The following SPON2 variants were observed in gnomAD, a reference collection of about 807,000 sequenced individuals.
SPON2 encodes spondin-2.
In SPON2, 32 loss-of-function variants were observed where a neutral mutation model predicts 29.9. The ratio of observed to expected loss-of-function variants is 1.07; its 90% confidence interval spans 0.81 to 1.44. SPON2 has a LOEUF of 1.44. Among genes scored for constraint, SPON2 ranks in the 40% most tolerant of loss-of-function variants. The probability of loss-of-function intolerance (pLI) is 0.00; values close to 1 mark genes in which losing one functional copy is unlikely to be tolerated. For missense variants in SPON2, 541 were observed against 455.5 expected (o/e 1.19, Z -1.71); for synonymous variants, 248 against 209.1 (o/e 1.19, Z -1.61).
At chr4:1,194,679 G>A (rs757204793) in intron 1 of SPON2, among the ~76,000 whole-genome samples, 173 of 152,262 alleles carry the variant, frequency 1.1e-3, no homozygotes, top group Non-Finnish European at 2.0e-3. Flanking sequence ...CCCCGCTGCC[G>A]GGACACCCTC....
intron 1 of SPON2, among the ~76,000 whole-genome samples, chr4:1,192,708 G>A (rs1436124795): frequency 6.6e-6 from 1 of 152,188 alleles, no homozygotes; most frequent in East Asian, 1.9e-4. Flanking sequence ...GAAGGCTTGG[G>A]GGGTACGGCC....
upstream of SPON2, chr4:1,197,255 A>G (rs982981947): frequency 9.2e-5 from 14 of 152,244 alleles, no homozygotes; most frequent in Non-Finnish European, 2.1e-4. Flanking sequence ...CCGACTTCCG[A>G]TAAGTCCATG....
At chr4:1,188,672 T>C (rs1185197497) in intron 1 of SPON2, among the ~76,000 whole-genome samples, 1 of 152,152 alleles carries the variant, frequency 6.6e-6, no homozygotes, top group African/African-American at 2.4e-5. Context: ...CCAAGATACA[T>C]GAAGCCAAAG....
intron 1 of SPON2, among the ~76,000 whole-genome samples, chr4:1,194,404 A>C (rs1352736473): frequency 6.6e-6 from 1 of 152,004 alleles, no homozygotes; most frequent in Non-Finnish European, 1.5e-5. Context: ...CCCCCGGGGG[A>C]CAGCGACGGC....
chr4:1,179,964 G>GA (rs1317454197), intron 1 of SPON2, among the ~76,000 whole-genome samples: 4 of 151,178 alleles, frequency 2.6e-5, no homozygotes, highest in Non-Finnish European at 4.4e-5. Flanking sequence ...AGTTGGGCAA[G>GA]AAATAGACAA....
chr4:1,184,649 A>T (rs1016233474), intron 1 of SPON2, among the ~76,000 whole-genome samples: 2 of 152,164 alleles, frequency 1.3e-5, no homozygotes, highest in Non-Finnish European at 2.9e-5. Flanking sequence ...GAATACAATA[A>T]GCTGGCCAGG....
At position 1,171,313 on chromosome 4, in the gene SPON2, C is replaced by T. The variant is rs1256076641; in HGVS notation, c.394G>A (p.Gly132Ser). ...AGCTCCGCCGACGTCTGCCCGGTGCCGCTGGGGACGGCGGGCGCCGAAAAC... is the reference window on the plus strand; with the variant it reads ...AGCTCCGCCGACGTCTGCCCGGTGCTGCTGGGGACGGCGGGCGCCGAAAAC... Reference protein sequence around the residue: ...AVFSAPAVPSGTGQTSAELEV... With the variant: ...AVFSAPAVPSSTGQTSAELEV... The change falls in exon 3 of 6, where the codon GGC (glycine) becomes AGC (serine). Residue 132 changes from glycine to serine, a missense_variant. Physicochemically the swap from Gly to Ser is moderately conservative, Grantham distance 56. Transcript: ENST00000290902. The T allele has an allele frequency of 6.3e-7, 1 of 1,599,524 alleles. No homozygotes were observed. Among genetic ancestry groups the T allele is most frequent in the African/African-American group, 1.3e-5 (1 of 74,580 alleles).
intron 1 of SPON2, chr4:1,194,906 C>CG (rs1366261323): frequency 1.4e-4 from 21 of 147,188 alleles, no homozygotes; most frequent in African/African-American, 2.8e-4. Flanking sequence ...GCGACTCCAA[C>CG]CCCGCAGCCG....
At chr4:1,200,908 C>T (rs1206403103) in intron 1 of SPON2, 11 of 456,600 alleles carry the variant, frequency 2.4e-5, no homozygotes, top group Admixed American at 4.7e-5. Context: ...CACGTGGTGC[C>T]TCTGCCCTGG....
At chr4:1,186,451 A>C (rs1727809869) in intron 1 of SPON2, among the ~76,000 whole-genome samples, 1 of 151,922 alleles carries the variant, frequency 6.6e-6, no homozygotes. Context: ...TTGCAGGCGC[A>C]TGCTGCCGTG....
At chr4:1,170,237 C>T in intron 5 of SPON2, 165 bp downstream of exon 5, 1 of 700,350 alleles carries the variant, frequency 1.4e-6, no homozygotes, top group East Asian at 2.5e-5. Context: ...GTCACATCTT[C>T]AGTGTGTGAA....
intron 1 of SPON2, among the ~76,000 whole-genome samples, chr4:1,206,509 C>T (rs1314702264): frequency 1.3e-5 from 2 of 152,190 alleles, no homozygotes; most frequent in Non-Finnish European, 2.9e-5. Context: ...GGACCAACAG[C>T]AAATGCCTCC....
At chr4:1,182,170 C>T (rs1727711650) in intron 1 of SPON2, among the ~76,000 whole-genome samples, 1 of 152,024 alleles carries the variant, frequency 6.6e-6, no homozygotes, top group Non-Finnish European at 1.5e-5. Context: ...GTCCGATTTT[C>T]AAGAAAAAGA....
At chr4:1,203,753 G>A (rs1052434171) in intron 1 of SPON2, among the ~76,000 whole-genome samples, 3 of 152,168 alleles carry the variant, frequency 2.0e-5, no homozygotes, top group Non-Finnish European at 2.9e-5. Flanking sequence ...GTGGGTGTGA[G>A]GTGTGGTCTC....
At chr4:1,177,765 C>T (rs953055046), upstream of SPON2, among the ~76,000 whole-genome samples, 19 of 152,130 alleles carry the variant, frequency 1.2e-4, no homozygotes, top group Non-Finnish European at 2.6e-4. Flanking sequence ...CCCTGGGGCG[C>T]GGCACAGGCA....
Position 1,167,241 on chromosome 4 carries a change from C to T in SPON2, c.*231G>A. The T allele has an allele frequency of 4.0e-6, 2 of 497,502 alleles. No individual in the cohort carries two copies. The highest frequency in any genetic ancestry group is 7.1e-6 in the Non-Finnish European group (2 of 280,864). The allele number at this position is 497,502 out of a possible 1,614,324, so 30.8% of individuals were successfully genotyped here. On this transcript the variant is annotated 3_prime_UTR_variant, in exon 6 of 6. Coordinates refer to ENST00000290902, the MANE Select transcript of SPON2 (RefSeq NM_012445.4). ...GCAGGAGGAGGAGGCTGAGAGCAGACGGGACACGGGGGCCCCTAAGAAGCA... is the reference window on the plus strand; with the variant it reads ...GCAGGAGGAGGAGGCTGAGAGCAGATGGGACACGGGGGCCCCTAAGAAGCA...
intron 1 of SPON2, among the ~76,000 whole-genome samples, chr4:1,190,734 C>A (rs1217777496): frequency 6.6e-6 from 1 of 152,142 alleles, no homozygotes; most frequent in African/African-American, 2.4e-5. Context: ...CATGCAAAAA[C>A]ATTGGAGCTG....
At chr4:1,194,440 C>T (rs1048130406) in intron 1 of SPON2, among the ~76,000 whole-genome samples, 2 of 152,118 alleles carry the variant, frequency 1.3e-5, no homozygotes, top group Non-Finnish European at 2.9e-5. Flanking sequence ...CCGGATGGAG[C>T]GGCTGGCGTG....
intron 1 of SPON2, among the ~76,000 whole-genome samples, chr4:1,183,167 G>A (rs904883617): frequency 6.6e-6 from 1 of 151,552 alleles, no homozygotes. Flanking sequence ...CTTAGAACAC[G>A]GGAGGTGGAG....
Sources: allele counts gnomAD v4.1 joint callset (sites outside exome capture counted in the v4.1 genomes callset), GRCh38; gene constraint gnomAD v4.1.1; transcripts MANE v1.5; gene names NCBI Gene and HGNC (gene_info 2026-07-23, HGNC 2026-07-21).